Variants in CHN2 observed in about 807,000 individuals in gnomAD.
The protein encoded by CHN2 is chimerin 2, also known as beta-chimaerin.
CHN2 carries 35 observed loss-of-function variants against 56.3 expected under a neutral mutation model. The observed-to-expected ratio is 0.62, with a 90% CI of 0.47 to 0.82. The LOEUF (loss-of-function observed/expected upper bound fraction) is 0.82, where lower values mean the gene tolerates loss of function less well. CHN2 is among the 40% of genes least tolerant of loss of function. The pLI, the probability that CHN2 is intolerant of heterozygous loss-of-function variation, is 0.00. For synonymous variants in CHN2, 210 were observed against 212.8 expected, an observed-to-expected ratio of 0.99 and a Z score of 0.12; for missense variants, 491 against 580.5, an observed-to-expected ratio of 0.85 and a Z score of 1.58.
chr7:29,301,735 G>A (rs927935455), intron 1 of CHN2, among the ~76,000 whole-genome samples: 1 of 152,136 alleles, frequency 6.6e-6, no homozygotes, highest in Non-Finnish European at 1.5e-5. Context: ...TAAAATGAGA[G>A]CACTCTTTGA....
chr7:29,459,358 A>G (rs891812503), intron 6 of CHN2, among the ~76,000 whole-genome samples: 3 of 151,652 alleles, frequency 2.0e-5, no homozygotes, highest in Non-Finnish European at 2.9e-5. Context: ...TGTTTTCCCC[A>G]TGTCATTTGG....
At chr7:29,506,678 TC>T (rs1444535027) in intron 10 of CHN2, among the ~76,000 whole-genome samples, 1 of 151,888 alleles carries the variant, frequency 6.6e-6, no homozygotes, top group African/African-American at 2.4e-5. Context: ...ACATCACATA[TC>T]CAAGAGGAAA....
intron 1 of CHN2, among the ~76,000 whole-genome samples, chr7:29,258,743 A>T (rs1246550712): frequency 6.6e-6 from 1 of 152,232 alleles, no homozygotes; most frequent in East Asian, 1.9e-4. Context: ...AAATGAGCAA[A>T]ACTTTCAAAA....
intron 9 of CHN2, among the ~76,000 whole-genome samples, chr7:29,503,490 T>C (rs1009885552): frequency 6.6e-6 from 1 of 152,172 alleles, no homozygotes; most frequent in African/African-American, 2.4e-5. Flanking sequence ...ACCCACAGGT[T>C]TCGTCTTGTG....
rs1026273349 is a variant in CHN2, at chr7:29,431,095, A to G, written c.576+30267A>G. The stretch of plus-strand genomic sequence containing the variant: ...CCTAACCAGTAAGCGTACCTGGTAT[A>G]GGGAACACCCACAACTCATAGAATA... On this transcript the variant is annotated intron_variant, in intron 6 of 12. Coordinates refer to ENST00000222792, the MANE Select transcript of CHN2 (RefSeq NM_004067.4). Among the ~76,000 whole-genome samples, 4 of 152,298 alleles carry G rather than the reference A, an allele frequency of 2.6e-5. No individual in the cohort carries two copies. The South Asian group carries it at 8.3e-4, about 32-fold the overall frequency.
rs187238050 is a variant in CHN2 at position 29,283,075 on chromosome 7, C to A, written c.50-71550C>A. Among the ~76,000 whole-genome samples, 685 of 152,300 alleles carry A rather than the reference C, an allele frequency of 4.5e-3. 5 individuals carry two copies. Among genetic ancestry groups the A allele is most frequent in the African/African-American group, 0.016 (653 of 41,574 alleles). ...CTCTCCTGGAAGCTGTGTTATCTGA[C>A]CCCCTCGTGCTGCTTCTGCCTGAGA... On this transcript the variant is annotated intron_variant, in intron 1 of 12. Transcript: ENST00000222792.
Position 29,187,823 on chromosome 7 carries a change from G to A in CHN2, c.274+40863G>A, listed in dbSNP as rs79100732. On this transcript the variant is annotated intron_variant, in intron 2 of 6. Coordinates refer to the CHN2 transcript ENST00000439384. ...AATACACAGTTAAAAACTACCTGCC[G>A]TGCAGAATATAATTGAGTGCTAATA... is the stretch of plus-strand genomic sequence containing the variant. Among the ~76,000 whole-genome samples, 1,198 of 152,248 alleles carry A rather than the reference G, an allele frequency of 7.9e-3. 19 individuals carry two copies. The highest frequency in any genetic ancestry group is 0.027 in the African/African-American group (1,137 of 41,530).
At position 29,369,092 on chromosome 7, in the gene CHN2, T is replaced by G. The variant is rs1370182407; in HGVS notation, c.144+1105T>G. Among the ~76,000 whole-genome samples the G allele has an allele frequency of 2.6e-5, 4 of 152,192 alleles. No homozygotes were observed. The East Asian group carries it at 7.7e-4, about 29-fold the overall frequency. The stretch of plus-strand genomic sequence containing the variant: ...ATCAAATCCAATGATATTCAATATT[T>G]TTTCAAATGAGAGAAAATAGGTAAA... On this transcript the variant is annotated intron_variant, in intron 3 of 12. Coordinates refer to ENST00000222792, the MANE Select transcript of CHN2 (RefSeq NM_004067.4).
chr7:29,293,726 C>G (rs563283465), intron 1 of CHN2, among the ~76,000 whole-genome samples: 4 of 152,312 alleles, frequency 2.6e-5, no homozygotes, highest in African/African-American at 9.6e-5. Flanking sequence ...TTGAAAGGCA[C>G]AGGTGCTACC....
chr7:29,365,975 G>C (rs1441817576), intron 2 of CHN2, among the ~76,000 whole-genome samples: 4 of 152,182 alleles, frequency 2.6e-5, no homozygotes, highest in African/African-American at 9.7e-5. Flanking sequence ...TGACAGGTCT[G>C]TCGATGAACT....
chr7:29,483,841 C>T, intron 7 of CHN2: 3 of 1,287,062 alleles, frequency 2.3e-6, no homozygotes, highest in Non-Finnish European at 3.1e-6. Flanking sequence ...CTTTAGCCCG[C>T]ATAGTACTCC....
chr7:29,252,886 C>T (rs1181538631), intron 1 of CHN2, among the ~76,000 whole-genome samples: 2 of 117,976 alleles, frequency 1.7e-5, no homozygotes, highest in South Asian at 2.2e-4. Flanking sequence ...TGAGCCACCG[C>T]GCCCGGCCCT....
chr7:29,243,184 T>C (rs17679605), intron 1 of CHN2, among the ~76,000 whole-genome samples: 19,422 of 152,182 alleles, frequency 0.13, 1,626 homozygotes, highest in Non-Finnish European at 0.19. Context: ...CTCAATTTTT[T>C]CAATTTTTTT....
At chr7:29,233,238 A>G (rs897052638) in intron 1 of CHN2, among the ~76,000 whole-genome samples, 2 of 152,184 alleles carry the variant, frequency 1.3e-5, no homozygotes, top group Non-Finnish European at 1.5e-5. Flanking sequence ...CCTAACTCCT[A>G]GGCTGTTTTA....
At chr7:29,422,353 A>G (rs1305931516) in intron 6 of CHN2, among the ~76,000 whole-genome samples, 1 of 152,222 alleles carries the variant, frequency 6.6e-6, no homozygotes, top group African/African-American at 2.4e-5. Context: ...TGTGCTATCA[A>G]TTCCAGCCAC....
intron 9 of CHN2, among the ~76,000 whole-genome samples, chr7:29,503,356 C>T (rs1156562154): frequency 6.6e-6 from 1 of 152,230 alleles, no homozygotes; most frequent in Non-Finnish European, 1.5e-5. Context: ...CATCCATCAA[C>T]AGGCAGGGTT....
chr7:29,499,850 G>GGCTT lies in CHN2; in HGVS notation c.740-16_740-13dup. 1 of 1,548,360 alleles carries GGCTT rather than the reference G, an allele frequency of 6.5e-7. No homozygotes were observed. Among genetic ancestry groups the GGCTT allele is most frequent in the Non-Finnish European group, 8.7e-7 (1 of 1,147,472 alleles). On this transcript the variant is annotated splice_polypyrimidine_tract_variant and intron_variant, in intron 8 of 12. Coordinates refer to ENST00000222792, the MANE Select transcript of CHN2 (RefSeq NM_004067.4). ...CAAAAGGGCTGGGCTAGGCTAATGTGGCTTCTTTGTTTACAGACTGTGGAT... is the reference window on the plus strand; with the variant it reads ...CAAAAGGGCTGGGCTAGGCTAATGTGGCTTGCTTCTTTGTTTACAGACTGTGGAT...
At chr7:29,354,769 A>C in intron 2 of CHN2, 106 bp downstream of exon 2, 1 of 947,006 alleles carries the variant, frequency 1.1e-6, no homozygotes, top group Non-Finnish European at 1.7e-6. Context: ...ACCTCACAGC[A>C]CTGAAAACCC....
chr7:29,360,564 T>C (rs1210966555), intron 2 of CHN2, among the ~76,000 whole-genome samples: 1 of 152,212 alleles, frequency 6.6e-6, no homozygotes, highest in Non-Finnish European at 1.5e-5. Context: ...AGGCAAGGCC[T>C]TCCCATGGCA....
Sources: allele counts gnomAD v4.1 joint callset (sites outside exome capture counted in the v4.1 genomes callset), GRCh38; gene constraint gnomAD v4.1.1; transcripts MANE v1.5; gene names NCBI Gene and HGNC (gene_info 2026-07-23, HGNC 2026-07-21).